BFAR: variants seen among roughly 807,000 people sequenced by gnomAD.
BFAR encodes bifunctional apoptosis regulator.
Under a neutral mutation model 54.4 loss-of-function variants are expected in BFAR, and 52 were observed. That is an observed-to-expected ratio of 0.96 (90% confidence interval 0.77 to 1.21). The LOEUF (loss-of-function observed/expected upper bound fraction) is 1.21, where lower values mean the gene tolerates loss of function less well. Ranked by LOEUF, BFAR falls within the 50% of genes most tolerant of loss-of-function variation. The probability of loss-of-function intolerance (pLI) is 0.00; values close to 1 mark genes in which losing one functional copy is unlikely to be tolerated. For synonymous variants in BFAR, 215 were observed against 204.3 expected, an observed-to-expected ratio of 1.05 and a Z score of -0.45; for missense variants, 571 against 534.0, an observed-to-expected ratio of 1.07 and a Z score of -0.68.
chr16:14,644,016 A>G (rs1341421303), intron 1 of BFAR, among the ~76,000 whole-genome samples: 1 of 151,912 alleles, frequency 6.6e-6, no homozygotes, highest in Non-Finnish European at 1.5e-5. Context: ...ATGAAAAATT[A>G]GCTGGGTATG....
At chr16:14,656,921 G>GGT (rs1257825592) in intron 5 of BFAR, among the ~76,000 whole-genome samples, 1 of 152,024 alleles carries the variant, frequency 6.6e-6, no homozygotes, top group African/African-American at 2.4e-5. Flanking sequence ...TGACCAACAT[G>GGT]GTGAAACCCC....
chr16:14,647,726 C>G (rs1959843243), intron 2 of BFAR, among the ~76,000 whole-genome samples: 3 of 151,190 alleles, frequency 2.0e-5, no homozygotes, highest in Admixed American at 2.0e-4. Flanking sequence ...TATTTTCTCA[C>G]ATCATTGATG....
intron 5 of BFAR, among the ~76,000 whole-genome samples, chr16:14,660,748 A>G (rs1190196130): frequency 1.3e-5 from 2 of 151,496 alleles, no homozygotes; most frequent in Non-Finnish European, 2.9e-5. Flanking sequence ...TGAAAATACA[A>G]AAATTAGCCA....
chr16:14,658,188 A>G (rs1179555470), intron 5 of BFAR, among the ~76,000 whole-genome samples: 2 of 152,182 alleles, frequency 1.3e-5, no homozygotes, highest in African/African-American at 2.4e-5. Context: ...CAGGCAGCAG[A>G]TGTGCTGGAT....
chr16:14,657,936 T>G (rs1245063610), intron 5 of BFAR, among the ~76,000 whole-genome samples: 1 of 152,184 alleles, frequency 6.6e-6, no homozygotes, highest in Non-Finnish European at 1.5e-5. Flanking sequence ...TTGCCCAGGC[T>G]GGTCTCAAAT....
chr16:14,664,790 G>C (rs919806872), intron 6 of BFAR, 79 bp from the exon 7 acceptor site: 1 of 1,401,994 alleles, frequency 7.1e-7, no homozygotes. Flanking sequence ...GTGAGCCACC[G>C]TGCCTAGCCT....
At chr16:14,639,342 G>A (rs1335794175) in intron 1 of BFAR, among the ~76,000 whole-genome samples, 1 of 151,248 alleles carries the variant, frequency 6.6e-6, no homozygotes, top group Non-Finnish European at 1.5e-5. Context: ...GAGTCTCGCT[G>A]TGTCACCCAG....
At chr16:14,653,318 GT>G (rs916823077) in intron 4 of BFAR, among the ~76,000 whole-genome samples, 7 of 151,770 alleles carry the variant, frequency 4.6e-5, no homozygotes, top group South Asian at 4.2e-4. Flanking sequence ...TCTTGTGTGT[GT>G]TTTTTTTAAT....
At chr16:14,633,437 G>A (rs1959327259) in intron 1 of BFAR, 1 of 152,418 alleles carries the variant, frequency 6.6e-6, no homozygotes, top group Admixed American at 6.5e-5. Flanking sequence ...CAGAATTGAT[G>A]AGGCTTCTGA....
chr16:14,655,855 T>C (rs1321097166), intron 5 of BFAR, among the ~76,000 whole-genome samples: 1 of 152,218 alleles, frequency 6.6e-6, no homozygotes, highest in Admixed American at 6.5e-5. Context: ...GCATCTGCTC[T>C]TTAAGCCAGC....
intron 1 of BFAR, among the ~76,000 whole-genome samples, chr16:14,635,547 G>A (rs1481683578): frequency 6.6e-6 from 1 of 152,116 alleles, no homozygotes; most frequent in Non-Finnish European, 1.5e-5. Flanking sequence ...GCTCCAGCGA[G>A]AGCCAGGATA....
intron 7 of BFAR, among the ~76,000 whole-genome samples, chr16:14,667,101 G>T (rs1417461069): frequency 6.6e-6 from 1 of 152,036 alleles, no homozygotes; most frequent in African/African-American, 2.4e-5. Flanking sequence ...TACTCGGGAG[G>T]TTGAGGTGGA....
At position 14,667,724 on chromosome 16, in the gene BFAR, T is replaced by C. The variant is rs1432625553; in HGVS notation, c.1250T>C (p.Phe417Ser). Reference protein sequence around the residue: ...VAMFWPLIPQFVCNCLFYWAL... With the variant: ...VAMFWPLIPQSVCNCLFYWAL... ...ATGTTCTGGCCCCTCATCCCTCAGT[T>C]TGTTTGCAACTGTTTGTTTTACTGG... Residue 417 changes from phenylalanine (F) to serine (S), a missense_variant, in exon 8 of 8, where the codon TTT (phenylalanine) becomes TCT (serine). By Grantham distance (155) the Phe-to-Ser change is radical (BLOSUM62 -2). Coordinates refer to ENST00000261658, the MANE Select transcript of BFAR (RefSeq NM_016561.3). 13 of 1,613,984 alleles carry C rather than the reference T, an allele frequency of 8.1e-6. No individual in the cohort carries two copies. The highest frequency in any genetic ancestry group is 8.5e-6 in the Non-Finnish European group (10 of 1,179,934).
chr16:14,636,458 C>T (rs1432576381), intron 1 of BFAR, among the ~76,000 whole-genome samples: 6 of 152,248 alleles, frequency 3.9e-5, no homozygotes, highest in Non-Finnish European at 8.8e-5. Context: ...TTTAGATATG[C>T]ATACACATAA....
chr16:14,660,620 G>T (rs1328019913), intron 5 of BFAR, among the ~76,000 whole-genome samples: 2 of 134,446 alleles, frequency 1.5e-5, no homozygotes, highest in Non-Finnish European at 3.1e-5. Flanking sequence ...GAGGTCTTAC[G>T]CCAGGCGTGG....
intron 7 of BFAR, 105 bp from the exon 8 acceptor site, chr16:14,667,529 CG>C (rs891844070): frequency 7.4e-5 from 77 of 1,045,872 alleles, no homozygotes; most frequent in Non-Finnish European, 8.6e-5. Context: ...ACATTCAGCA[CG>C]GGCAGCCATG....
intron 6 of BFAR, among the ~76,000 whole-genome samples, chr16:14,663,407 C>G (rs1004215374): frequency 2.0e-5 from 3 of 152,060 alleles, no homozygotes; most frequent in Non-Finnish European, 2.9e-5. Context: ...TCTTGGCTCA[C>G]TGCAACCTCC....
intron 4 of BFAR, among the ~76,000 whole-genome samples, chr16:14,653,661 G>A (rs1960039473): frequency 6.6e-6 from 1 of 152,096 alleles, no homozygotes; most frequent in South Asian, 2.1e-4. Context: ...AAGCAGATAC[G>A]GGATCTCCAA....
chr16:14,663,203 G>T (rs2151844749), intron 6 of BFAR, among the ~76,000 whole-genome samples: 1 of 152,320 alleles, frequency 6.6e-6, no homozygotes, highest in East Asian at 1.9e-4. Context: ...AAGACAACAT[G>T]AGGGGTGGTC....
Sources: allele counts gnomAD v4.1 joint callset (sites outside exome capture counted in the v4.1 genomes callset), GRCh38; gene constraint gnomAD v4.1.1; transcripts MANE v1.5; gene names NCBI Gene and HGNC (gene_info 2026-07-23, HGNC 2026-07-21).